The following KAZN variants were observed in gnomAD, a reference collection of about 807,000 sequenced individuals.
The protein encoded by KAZN is kazrin, periplakin interacting protein, also known as kazrin.
KAZN carries 40 observed loss-of-function variants against 87.4 expected under a neutral mutation model. The ratio of observed to expected loss-of-function variants is 0.46; its 90% confidence interval spans 0.36 to 0.60. KAZN has a LOEUF of 0.60. KAZN is among the 20% of genes least tolerant of loss of function. The pLI is 0.00. For synonymous variants in KAZN, 466 were observed against 458.3 expected, an observed-to-expected ratio of 1.02 and a Z score of -0.22; for missense variants, 898 against 1,073.9, an observed-to-expected ratio of 0.84 and a Z score of 2.29.
chr1:14,200,747 G>A lies in KAZN; in HGVS notation c.249+20155G>A, dbSNP rs113316790. Among the ~76,000 whole-genome samples, 555 of 151,936 alleles carry A rather than the reference G, an allele frequency of 3.7e-3. 3 individuals are homozygous for A. Among genetic ancestry groups the A allele is most frequent in the African/African-American group, 0.012 (515 of 41,454 alleles). ...TTTTACTGAATTTATTTTTCTAAGCGAAGTACTTAATGCACAGCCTATTGA... is the reference window on the plus strand; with the variant it reads ...TTTTACTGAATTTATTTTTCTAAGCAAAGTACTTAATGCACAGCCTATTGA... On this transcript the variant is annotated intron_variant, in intron 2 of 16. Transcript: ENST00000636203.
intron 1 of KAZN, among the ~76,000 whole-genome samples, chr1:14,826,193 C>T (rs1226005192): frequency 2.0e-5 from 3 of 152,114 alleles, no homozygotes; most frequent in African/African-American, 7.2e-5. Flanking sequence ...CAGAGAGACT[C>T]CTTTTGTTGT....
Position 14,128,837 on chromosome 1 carries a change from G to A in KAZN, c.92-51598G>A, listed in dbSNP as rs994357255. Among the ~76,000 whole-genome samples the A allele has an allele frequency of 1.1e-4, 17 of 152,186 alleles. No homozygotes were observed. In the South Asian group the frequency reaches 1.2e-3, roughly 11 times the overall value. ...ATAGATGTCACACATTAACCATAGC[G>A]TCAGGAAATCTCCATTTTCATCTTC... On this transcript the variant is annotated intron_variant, in intron 1 of 16. Coordinates refer to the KAZN transcript ENST00000636203.
At chr1:14,882,784 C>A (rs1353318800) in intron 1 of KAZN, among the ~76,000 whole-genome samples, 2 of 152,068 alleles carry the variant, frequency 1.3e-5, no homozygotes, top group Non-Finnish European at 2.9e-5. Flanking sequence ...CTTCCAGATG[C>A]TGTTCTAAGA....
chr1:15,111,434 C>T (rs1457808865), intron 13 of KAZN, among the ~76,000 whole-genome samples: 1 of 152,182 alleles, frequency 6.6e-6, no homozygotes, highest in African/African-American at 2.4e-5. Flanking sequence ...CACCACCATG[C>T]CCAGCTAATT....
intron 14 of KAZN, 192 bp downstream of exon 14, chr1:15,112,733 C>G (rs1250012796): frequency 2.0e-5 from 11 of 546,868 alleles, no homozygotes; most frequent in Middle Eastern, 1.0e-3. Context: ...GTACAGTGCA[C>G]AAAGCCCCCG....
intron 1 of KAZN, among the ~76,000 whole-genome samples, chr1:14,020,795 GA>G (rs1640788872): frequency 6.6e-6 from 1 of 152,202 alleles, no homozygotes; most frequent in African/African-American, 2.4e-5. Flanking sequence ...TATCTGGATA[GA>G]AAGTAAAACA....
At chr1:14,197,387 T>TAAAAAAAAAAAAAAAAAAAAAA (rs35290614) in intron 2 of KAZN, among the ~76,000 whole-genome samples, 1 of 102,276 alleles carries the variant, frequency 9.8e-6, no homozygotes, top group Non-Finnish European at 2.1e-5. Flanking sequence ...AAGTAAATGT[T>TAAAAAAAAAAAAAAAAAAAAAA]AAAAAAAAAA....
intron 1 of KAZN, among the ~76,000 whole-genome samples, chr1:13,917,110 G>A (rs1435951016): frequency 6.6e-6 from 1 of 152,156 alleles, no homozygotes; most frequent in Non-Finnish European, 1.5e-5. Flanking sequence ...GTGCATGCAT[G>A]CACGCCCATG....
intron 2 of KAZN, among the ~76,000 whole-genome samples, chr1:14,588,003 G>C (rs972508733): frequency 6.6e-6 from 1 of 152,128 alleles, no homozygotes; most frequent in Non-Finnish European, 1.5e-5. Context: ...GGGGCCACTG[G>C]CATCCCTGTG....
At chr1:14,617,482 C>A (rs1271704648) in intron 1 of KAZN, among the ~76,000 whole-genome samples, 1 of 152,152 alleles carries the variant, frequency 6.6e-6, no homozygotes, top group Non-Finnish European at 1.5e-5. Context: ...TTACCACAAA[C>A]CTTTGATTTG....
At chr1:13,903,371 C>T (rs951365375) in intron 1 of KAZN, among the ~76,000 whole-genome samples, 8 of 152,310 alleles carry the variant, frequency 5.3e-5, no homozygotes, top group Admixed American at 2.0e-4. Flanking sequence ...AAAGTAACTG[C>T]GTTTTTGTCG....
At chr1:14,335,973 G>C (rs1242280672) in intron 2 of KAZN, among the ~76,000 whole-genome samples, 1 of 152,252 alleles carries the variant, frequency 6.6e-6, no homozygotes, top group Admixed American at 6.5e-5. Flanking sequence ...CTGCAGCAAT[G>C]CAGGTGAGAG....
At chr1:14,799,023 T>A (rs915920692) in intron 1 of KAZN, among the ~76,000 whole-genome samples, 2 of 151,808 alleles carry the variant, frequency 1.3e-5, no homozygotes, top group South Asian at 2.1e-4. Context: ...GTGATCTGCC[T>A]GCCTCAGCCT....
At position 13,921,072 on chromosome 1, in the gene KAZN, G is replaced by A. The variant is rs182052952; in HGVS notation, c.91+27316G>A. On this transcript the variant is annotated intron_variant, in intron 1 of 16. Transcript: ENST00000636203. The stretch of plus-strand genomic sequence containing the variant: ...ATGCATTGTTTCAGGACCTCTATGA[G>A]GTCCTTGTTGTCCAAGGATGACTGA... Among the ~76,000 whole-genome samples, 185 of 152,196 alleles carry A rather than the reference G, an allele frequency of 1.2e-3. 1 individual carries two copies. Among genetic ancestry groups the A allele is most frequent in the African/African-American group, 4.4e-3 (183 of 41,516 alleles).
rs1179436709 is a variant in KAZN, at chr1:14,453,090, G to A, written c.250-145893G>A. Among the ~76,000 whole-genome samples the A allele has an allele frequency of 3.3e-5, 5 of 150,552 alleles. No individual in the cohort carries two copies. In the South Asian group the frequency reaches 6.4e-4, roughly 19 times the overall value. On this transcript the variant is annotated intron_variant, in intron 2 of 16. Transcript: ENST00000636203. ...TCTGCCTCAGCCTCCCAAGTAGCTG[G>A]GACTACAGGCGCCCACCACTACACC...
chr1:14,780,295 C>A (rs1042813215), intron 1 of KAZN, among the ~76,000 whole-genome samples: 5 of 152,194 alleles, frequency 3.3e-5, no homozygotes, highest in Non-Finnish European at 5.9e-5. Flanking sequence ...TGTCTCTTCC[C>A]AGCCTCCCCT....
At chr1:14,759,206 C>G (rs1321837768) in intron 1 of KAZN, among the ~76,000 whole-genome samples, 2 of 152,172 alleles carry the variant, frequency 1.3e-5, no homozygotes, top group African/African-American at 4.8e-5. Context: ...CTCAGCCTGG[C>G]TGTGCCAAAG....
chr1:14,316,296 G>A (rs10803268), intron 2 of KAZN, among the ~76,000 whole-genome samples: 19,293 of 151,722 alleles, frequency 0.13, 2,180 homozygotes, highest in African/African-American at 0.31. Flanking sequence ...TTGTTTATTC[G>A]TATTTTTCAA....
chr1:14,403,403 GA>G (rs146746817), intron 2 of KAZN, among the ~76,000 whole-genome samples: 2 of 149,798 alleles, frequency 1.3e-5, no homozygotes, highest in African/African-American at 4.9e-5. Flanking sequence ...CTCCCCAAAC[GA>G]AAAAAAAATC....
Sources: allele counts gnomAD v4.1 joint callset (sites outside exome capture counted in the v4.1 genomes callset), GRCh38; gene constraint gnomAD v4.1.1; transcripts MANE v1.5; gene names NCBI Gene and HGNC (gene_info 2026-07-23, HGNC 2026-07-21).